Variants in SPAG16 observed in about 807,000 individuals in gnomAD.
SPAG16 encodes the protein sperm-associated antigen 16 protein.
Under a neutral mutation model 80.4 loss-of-function variants are expected in SPAG16, and 86 were observed. The observed-to-expected ratio is 1.07, with a 90% CI of 0.90 to 1.28. The LOEUF (loss-of-function observed/expected upper bound fraction) is 1.28. Among genes scored for constraint, SPAG16 ranks in the 50% most tolerant of loss-of-function variants. The pLI is 0.00. For synonymous variants in SPAG16, 294 were observed against 265.9 expected (o/e 1.11, Z -1.03); for missense variants, 870 against 765.3 (o/e 1.14, Z -1.61).
At chr2:213,782,396 G>A (rs1465352334) in intron 10 of SPAG16, among the ~76,000 whole-genome samples, 2 of 152,032 alleles carry the variant, frequency 1.3e-5, no homozygotes, top group Non-Finnish European at 2.9e-5. Context: ...TAATGGAAGA[G>A]CATTTAAGAA....
intron 15 of SPAG16, among the ~76,000 whole-genome samples, chr2:214,234,080 C>A (rs112641761): frequency 2.8e-4 from 42 of 147,494 alleles, no homozygotes; most frequent in Middle Eastern, 3.5e-3. Flanking sequence ...TGTTTCCCCC[C>A]CCATGTGTCC....
chr2:213,793,678 A>G (rs1391034266), intron 10 of SPAG16, among the ~76,000 whole-genome samples: 1 of 152,254 alleles, frequency 6.6e-6, no homozygotes, highest in East Asian at 1.9e-4. Flanking sequence ...GAAATTCTCT[A>G]AAAGATGTTA....
At position 214,059,186 on chromosome 2, in the gene SPAG16, C is replaced by CTATATATATATATATATATATA. The variant is rs36006046; in HGVS notation, c.1527+45117_1527+45138dup. On this transcript the variant is annotated intron_variant, in intron 13 of 15. Coordinates refer to ENST00000331683, the MANE Select transcript of SPAG16 (RefSeq NM_024532.5). ...AGCAAGACTCTGTCTCTCTCTCTGTCTATATATATATATATATATATATAT... is the reference window on the plus strand; with the variant it reads ...AGCAAGACTCTGTCTCTCTCTCTGTCTATATATATATATATATATATATATATATATATATATATATATATAT... Among the ~76,000 whole-genome samples the CTATATATATATATATATATATA allele has an allele frequency of 3.1e-4, 35 of 114,360 alleles. 1 individual carries two copies. The highest frequency in any genetic ancestry group is 1.1e-3 in the African/African-American group (32 of 28,548). 75.0% of individuals were successfully genotyped at this position (114,360 alleles called of 152,430 possible).
intron 10 of SPAG16, among the ~76,000 whole-genome samples, chr2:213,743,760 A>G (rs1365705017): frequency 6.6e-6 from 1 of 152,072 alleles, no homozygotes; most frequent in East Asian, 1.9e-4. Flanking sequence ...TTTTGGGTTC[A>G]TTAGATCTCG....
At chr2:213,366,000 G>T (rs2066261069) in intron 8 of SPAG16, among the ~76,000 whole-genome samples, 1 of 150,108 alleles carries the variant, frequency 6.7e-6, no homozygotes, top group African/African-American at 2.4e-5. Flanking sequence ...AAATTAGCTG[G>T]GCGTAGTGGC....
chr2:214,265,334 T>C (rs1691482996), intron 15 of SPAG16, among the ~76,000 whole-genome samples: 1 of 152,110 alleles, frequency 6.6e-6, no homozygotes, highest in South Asian at 2.1e-4. Context: ...GTTGTTTTAA[T>C]TTGCAATTTC....
intron 10 of SPAG16, among the ~76,000 whole-genome samples, chr2:213,745,065 A>G (rs1209931219): frequency 3.9e-5 from 6 of 152,196 alleles, no homozygotes; most frequent in Non-Finnish European, 7.4e-5. Flanking sequence ...CAAAACTGTT[A>G]TGGTTTCACG....
At chr2:213,632,175 T>A (rs1322522599) in intron 10 of SPAG16, among the ~76,000 whole-genome samples, 1 of 152,152 alleles carries the variant, frequency 6.6e-6, no homozygotes, top group East Asian at 1.9e-4. Context: ...TTTTTACAGT[T>A]TTCATTATAG....
At chr2:213,677,337 G>A (rs1403937309) in intron 10 of SPAG16, among the ~76,000 whole-genome samples, 1 of 152,156 alleles carries the variant, frequency 6.6e-6, no homozygotes, top group Non-Finnish European at 1.5e-5. Context: ...TGGATAAAGA[G>A]TCAAGACCCA....
intron 10 of SPAG16, among the ~76,000 whole-genome samples, chr2:213,772,486 G>C (rs1338731045): frequency 2.0e-5 from 3 of 152,062 alleles, no homozygotes; most frequent in Non-Finnish European, 4.4e-5. Flanking sequence ...TTTTTGCCTA[G>C]AAGTTTTTTA....
intron 15 of SPAG16, among the ~76,000 whole-genome samples, chr2:214,341,930 G>A (rs1697729404): frequency 6.6e-6 from 1 of 151,972 alleles, no homozygotes; most frequent in African/African-American, 2.4e-5. Flanking sequence ...TGGCAGGGAG[G>A]TCTCCAAGGC....
chr2:213,778,163 G>C (rs944450848), intron 10 of SPAG16, among the ~76,000 whole-genome samples: 4 of 151,598 alleles, frequency 2.6e-5, no homozygotes, highest in African/African-American at 9.7e-5. Flanking sequence ...ATGAGAATTA[G>C]ATAAGTACAT....
intron 10 of SPAG16, among the ~76,000 whole-genome samples, chr2:213,544,065 T>C (rs1329148829): frequency 6.6e-6 from 1 of 151,982 alleles, no homozygotes. Flanking sequence ...CTTTCAGGAA[T>C]GCATGCTAGT....
At chr2:213,396,335 T>C (rs962959960) in intron 9 of SPAG16, among the ~76,000 whole-genome samples, 1 of 152,252 alleles carries the variant, frequency 6.6e-6, no homozygotes, top group African/African-American at 2.4e-5. Context: ...ACATAGTTTA[T>C]CTCCCCACAT....
At chr2:213,517,843 T>C (rs1299264378) in intron 10 of SPAG16, among the ~76,000 whole-genome samples, 1 of 152,128 alleles carries the variant, frequency 6.6e-6, no homozygotes, top group Non-Finnish European at 1.5e-5. Context: ...CCTAAAACTA[T>C]GAAAATTCTA....
intron 14 of SPAG16, among the ~76,000 whole-genome samples, chr2:214,144,533 T>C (rs2055534036): frequency 2.0e-5 from 3 of 152,200 alleles, no homozygotes; most frequent in South Asian, 4.1e-4. Flanking sequence ...GTCACTAGAA[T>C]GTACTGCTAA....
chr2:214,059,222 GTATA>G (rs34244219), intron 13 of SPAG16, among the ~76,000 whole-genome samples: 80 of 121,444 alleles, frequency 6.6e-4, no homozygotes, highest in Non-Finnish European at 9.0e-4. Flanking sequence ...ATATGTATGT[GTATA>G]TATATATATA....
At chr2:214,150,644 G>T (rs2055929472) in intron 15 of SPAG16, among the ~76,000 whole-genome samples, 1 of 151,922 alleles carries the variant, frequency 6.6e-6, no homozygotes. Flanking sequence ...AAGTATTCAT[G>T]TCTTTGAATT....
At chr2:213,562,455 C>T (rs2059623501) in intron 10 of SPAG16, among the ~76,000 whole-genome samples, 1 of 152,158 alleles carries the variant, frequency 6.6e-6, no homozygotes, top group South Asian at 2.1e-4. Flanking sequence ...TAAGTTTGTT[C>T]AGGCTGCCAT....
Sources: allele counts gnomAD v4.1 joint callset (sites outside exome capture counted in the v4.1 genomes callset), GRCh38; gene constraint gnomAD v4.1.1; transcripts MANE v1.5; gene names NCBI Gene and HGNC (gene_info 2026-07-23, HGNC 2026-07-21).